Variants in LAMA2 observed in about 807,000 individuals in gnomAD.
The protein encoded by LAMA2 is laminin subunit alpha 2.
LAMA2 carries 269 observed loss-of-function variants against 364.8 expected under a neutral mutation model. That is an observed-to-expected ratio of 0.74 (90% CI 0.67 to 0.82). The LOEUF is 0.82. LAMA2 is among the 40% of genes least tolerant of loss of function. The probability of loss-of-function intolerance (pLI) is 0.00; values close to 1 mark genes in which losing one functional copy is unlikely to be tolerated. For missense variants in LAMA2, 3,807 were observed against 3,873.2 expected (o/e 0.98, Z 0.45); for synonymous variants, 1,379 against 1,370.6 (o/e 1.01, Z -0.14).
intron 1 of LAMA2, among the ~76,000 whole-genome samples, chr6:128,889,607 G>A (rs187138738): frequency 6.6e-6 from 1 of 150,640 alleles, no homozygotes; most frequent in East Asian, 1.9e-4. Context: ...TTTTCCCTTA[G>A]TATTCTTCCT....
chr6:129,341,049 A>C (rs1321493015), intron 29 of LAMA2, among the ~76,000 whole-genome samples: 1 of 152,212 alleles, frequency 6.6e-6, no homozygotes, highest in Non-Finnish European at 1.5e-5. Context: ...ATAAACTCTC[A>C]AAAAGAGTTA....
chr6:129,410,108 A>T (rs1215828431), intron 40 of LAMA2, among the ~76,000 whole-genome samples: 1 of 152,022 alleles, frequency 6.6e-6, no homozygotes. Flanking sequence ...TCCAAACAAC[A>T]AACAAACAAA....
At chr6:128,996,170 G>A (rs1174860499) in intron 1 of LAMA2, among the ~76,000 whole-genome samples, 1 of 152,164 alleles carries the variant, frequency 6.6e-6, no homozygotes, top group Non-Finnish European at 1.5e-5. Context: ...ATAAAATGGC[G>A]AGTGAATGCT....
chr6:129,106,796 A>G (rs1775848956), intron 4 of LAMA2, among the ~76,000 whole-genome samples: 1 of 151,158 alleles, frequency 6.6e-6, no homozygotes, highest in South Asian at 2.1e-4. Context: ...AAATAAAGAT[A>G]AAATTAAGAG....
intron 1 of LAMA2, among the ~76,000 whole-genome samples, chr6:129,031,057 A>G (rs538602108): frequency 6.6e-6 from 1 of 152,282 alleles, no homozygotes; most frequent in South Asian, 2.1e-4. Flanking sequence ...TAAAATGCTG[A>G]CTTTTTACTT....
chr6:128,924,999 T>A (rs1199630364), intron 1 of LAMA2, among the ~76,000 whole-genome samples: 1 of 152,194 alleles, frequency 6.6e-6, no homozygotes, highest in Non-Finnish European at 1.5e-5. Context: ...GCTGCCATAA[T>A]TTTAAAAATG....
intron 54 of LAMA2, among the ~76,000 whole-genome samples, chr6:129,479,434 A>G (rs1387744920): frequency 1.3e-5 from 2 of 152,084 alleles, no homozygotes; most frequent in African/African-American, 4.8e-5. Context: ...ATTTTCGTTT[A>G]ACTATTTTGC....
rs755412882 is a variant in LAMA2 at position 129,492,467 on chromosome 6, C to T, written c.8228C>T (p.Thr2743Ile). Residue 2743 changes from threonine (T) to isoleucine (I), a missense_variant, in exon 58 of 65, where the codon ACC (threonine) becomes ATC (isoleucine). Coordinates refer to ENST00000421865, the MANE Select transcript of LAMA2 (RefSeq NM_000426.4). ...PVPTPAFPTP[T>I]PVLTHGPCAA... ...CCCACCCCAGCCTTTCCTACGCCCA[C>T]CCCAGTTCTGACACATGTAAGTGTT... 1 of 1,613,800 alleles carries T rather than the reference C, an allele frequency of 6.2e-7. No individual in the cohort carries two copies. The highest frequency in any genetic ancestry group is 1.1e-5 in the South Asian group (1 of 91,082).
chr6:129,493,317 A>G (rs1784977557), intron 58 of LAMA2, among the ~76,000 whole-genome samples: 1 of 152,212 alleles, frequency 6.6e-6, no homozygotes, highest in Non-Finnish European at 1.5e-5. Flanking sequence ...GGCTCAAGTC[A>G]GACTGCTGGT....
chr6:129,348,194 G>A (rs1280853227), intron 30 of LAMA2, among the ~76,000 whole-genome samples: 1 of 152,218 alleles, frequency 6.6e-6, no homozygotes, highest in African/African-American at 2.4e-5. Flanking sequence ...GCGTTTGTGA[G>A]TAGTAGATCA....
chr6:129,103,659 G>T (rs1329777261), intron 4 of LAMA2, among the ~76,000 whole-genome samples: 7 of 152,038 alleles, frequency 4.6e-5, no homozygotes, highest in Non-Finnish European at 1.0e-4. Flanking sequence ...TGGTTAAACT[G>T]GGCTTCTGGA....
intron 20 of LAMA2, 82 bp downstream of exon 20, chr6:129,291,802 C>T (rs934151011): frequency 1.7e-5 from 15 of 887,700 alleles, no homozygotes; most frequent in East Asian, 1.5e-4. Context: ...TGTATACCTT[C>T]GTATATTAAA....
intron 14 of LAMA2, among the ~76,000 whole-genome samples, chr6:129,254,696 A>G (rs1786507619): frequency 6.6e-6 from 1 of 152,188 alleles, no homozygotes; most frequent in Non-Finnish European, 1.5e-5. Flanking sequence ...CGCTGTCTTC[A>G]CTAGGAAGAT....
intron 1 of LAMA2, among the ~76,000 whole-genome samples, chr6:129,026,626 G>C (rs1042271736): frequency 6.6e-6 from 1 of 152,148 alleles, no homozygotes; most frequent in South Asian, 2.1e-4. Context: ...TATATTTCAT[G>C]TGAGTCAGGT....
At chr6:129,264,464 G>C (rs980168147) in intron 15 of LAMA2, among the ~76,000 whole-genome samples, 1 of 152,040 alleles carries the variant, frequency 6.6e-6, no homozygotes, top group African/African-American at 2.4e-5. Flanking sequence ...AAATGTCAAT[G>C]TGTATTTATA....
rs1333055214 is a variant in LAMA2 at position 129,010,426 on chromosome 6, C to T, written c.113-39492C>T. 5.3e-5 allele frequency among the ~76,000 whole-genome samples: 8 copies of T among 152,102 alleles called. No homozygotes were observed. The East Asian group carries it at 1.3e-3, about 26-fold the overall frequency. Reference sequence around the variant, plus strand: ...GATCATTAGAATTTCATATGGCAAACGCTCACACACATAGTGGATTTGAGG... The same window carrying T: ...GATCATTAGAATTTCATATGGCAAATGCTCACACACATAGTGGATTTGAGG... On this transcript the variant is annotated intron_variant, in intron 1 of 64. Transcript: ENST00000421865.
At chr6:129,232,309 A>C (rs1784713574) in intron 12 of LAMA2, among the ~76,000 whole-genome samples, 1 of 152,128 alleles carries the variant, frequency 6.6e-6, no homozygotes, top group African/African-American at 2.4e-5. Flanking sequence ...CATTACATAG[A>C]TAGAAAGGTA....
intron 19 of LAMA2, among the ~76,000 whole-genome samples, chr6:129,290,865 G>A (rs1233996210): frequency 6.6e-6 from 1 of 152,072 alleles, no homozygotes; most frequent in African/African-American, 2.4e-5. Context: ...TTTGGAGATA[G>A]CATATAAACT....
At chr6:129,366,396 C>A (rs1011087771) in intron 33 of LAMA2, 35 bp downstream of exon 33, 1 of 1,611,154 alleles carries the variant, frequency 6.2e-7, no homozygotes, top group Non-Finnish European at 8.5e-7. Flanking sequence ...GGGCCAGGGA[C>A]AAGGTGACAG....
Sources: gnomAD v4.1 joint callset for allele counts (sites outside exome capture counted in the v4.1 genomes callset) on GRCh38, gnomAD v4.1.1 for gene constraint, MANE v1.5 for transcripts, NCBI Gene and HGNC (gene_info 2026-07-23, HGNC 2026-07-21) for gene names.